TRPC4: variants seen among roughly 807,000 people sequenced by gnomAD.
The protein encoded by TRPC4 is short transient receptor potential channel 4.
Under a neutral mutation model 99.4 loss-of-function variants are expected in TRPC4, and 49 were observed. The observed-to-expected ratio is 0.49, with a 90% CI of 0.39 to 0.63. The LOEUF is 0.63. TRPC4 is among the 20% of genes least tolerant of loss of function. TRPC4 has a pLI of 0.00. For synonymous variants in TRPC4, 454 were observed against 425.9 expected (o/e 1.07, Z -0.81); for missense variants, 898 against 1,152.9 (o/e 0.78, Z 3.20).
chr13:37,776,781 G>T (rs1265880123), intron 2 of TRPC4, among the ~76,000 whole-genome samples: 2 of 151,884 alleles, frequency 1.3e-5, no homozygotes, highest in Admixed American at 6.6e-5. Flanking sequence ...AGAGTTAAAA[G>T]TGAAGTTTTT....
intron 2 of TRPC4, among the ~76,000 whole-genome samples, chr13:37,764,612 G>A (rs1185629288): frequency 6.6e-6 from 1 of 151,302 alleles, no homozygotes; most frequent in African/African-American, 2.4e-5. Context: ...AAGTAATAAT[G>A]AGAAAGCTCA....
intron 2 of TRPC4, among the ~76,000 whole-genome samples, chr13:37,754,117 C>T (rs1399632505): frequency 6.6e-6 from 1 of 152,090 alleles, no homozygotes; most frequent in Non-Finnish European, 1.5e-5. Flanking sequence ...AAATATAAGT[C>T]ATTTGACCTC....
chr13:37,844,210 G>T (rs965234624), intron 1 of TRPC4, among the ~76,000 whole-genome samples: 1 of 152,132 alleles, frequency 6.6e-6, no homozygotes, highest in Admixed American at 6.5e-5. Flanking sequence ...CTCTATATTT[G>T]GGCTGATAAT....
chr13:37,701,511 T>C (rs1954100080), intron 3 of TRPC4, among the ~76,000 whole-genome samples: 1 of 152,154 alleles, frequency 6.6e-6, no homozygotes, highest in African/African-American at 2.4e-5. Flanking sequence ...CCGTCATCAT[T>C]GTCATTTCCA....
intron 8 of TRPC4, among the ~76,000 whole-genome samples, chr13:37,639,779 A>C (rs1033329515): frequency 2.7e-5 from 4 of 150,424 alleles, no homozygotes; most frequent in African/African-American, 9.9e-5. Context: ...TCATATATAC[A>C]GTAAGAGGAG....
At chr13:37,669,986 G>A (rs1952780874) in intron 5 of TRPC4, among the ~76,000 whole-genome samples, 1 of 152,118 alleles carries the variant, frequency 6.6e-6, no homozygotes, top group Non-Finnish European at 1.5e-5. Context: ...GAGGTCATGA[G>A]GGTGGGCTTT....
At chr13:37,829,719 A>G (rs1958357973) in intron 1 of TRPC4, among the ~76,000 whole-genome samples, 2 of 152,214 alleles carry the variant, frequency 1.3e-5, no homozygotes, top group African/African-American at 2.4e-5. Context: ...ACTGTTCATA[A>G]TAGCCAAAAG....
intron 1 of TRPC4, among the ~76,000 whole-genome samples, chr13:37,868,045 T>C (rs1042151321): frequency 2.6e-4 from 40 of 152,162 alleles, no homozygotes; most frequent in Non-Finnish European, 8.8e-5. Context: ...GGTTATTTTA[T>C]ATGAAAAGTT....
chr13:37,758,289 C>A (rs1205378427), intron 2 of TRPC4, among the ~76,000 whole-genome samples: 1 of 151,610 alleles, frequency 6.6e-6, no homozygotes, highest in Non-Finnish European at 1.5e-5. Flanking sequence ...ATGTTGAATC[C>A]AACAGTGTAT....
At chr13:37,671,906 A>G (rs1952859741) in intron 5 of TRPC4, among the ~76,000 whole-genome samples, 1 of 152,214 alleles carries the variant, frequency 6.6e-6, no homozygotes, top group Non-Finnish European at 1.5e-5. Context: ...TCCTATGACC[A>G]TATATTAACA....
chr13:37,836,355 G>C (rs1413376828), intron 1 of TRPC4, among the ~76,000 whole-genome samples: 1 of 152,146 alleles, frequency 6.6e-6, no homozygotes, highest in Non-Finnish European at 1.5e-5. Flanking sequence ...AAGAGGTTGG[G>C]ACAGTTTGGG....
At chr13:37,701,896 A>T (rs1234890031) in intron 3 of TRPC4, among the ~76,000 whole-genome samples, 1 of 152,172 alleles carries the variant, frequency 6.6e-6, no homozygotes, top group Non-Finnish European at 1.5e-5. Flanking sequence ...TCATTGTGTT[A>T]GTTCCTAAGG....
intron 1 of TRPC4, among the ~76,000 whole-genome samples, chr13:37,850,033 C>G (rs185206213): frequency 6.6e-6 from 1 of 152,306 alleles, no homozygotes; most frequent in African/African-American, 2.4e-5. Context: ...TGAATGATAT[C>G]TTAAAATCAT....
At chr13:37,696,002 CGCTGATAAAGACA>C (rs1953890780) in intron 3 of TRPC4, among the ~76,000 whole-genome samples, 1 of 152,052 alleles carries the variant, frequency 6.6e-6, no homozygotes, top group African/African-American at 2.4e-5. Context: ...GTTTTTATAC[CGCTGATAAAGACA>C]TACCCGAAAC....
intron 3 of TRPC4, among the ~76,000 whole-genome samples, chr13:37,733,675 G>C (rs998953493): frequency 1.3e-5 from 2 of 152,010 alleles, no homozygotes; most frequent in Non-Finnish European, 2.9e-5. Flanking sequence ...TTATGACCTA[G>C]TCTTTGTGTT....
chr13:37,634,490 C>T lies in TRPC4; in HGVS notation c.*2413G>A, dbSNP rs1388779769. ...CTGAAAAGGAGGGTCTTACTTGCTCCAAATACATTCCTCTATTACCATCAT... is the reference window on the plus strand; with the variant it reads ...CTGAAAAGGAGGGTCTTACTTGCTCTAAATACATTCCTCTATTACCATCAT... On this transcript the variant is annotated 3_prime_UTR_variant, in exon 11 of 11. Coordinates refer to ENST00000379705, the MANE Select transcript of TRPC4 (RefSeq NM_016179.4). Among the ~76,000 whole-genome samples the T allele has an allele frequency of 6.6e-6, 1 of 152,012 alleles. No homozygotes were observed. The highest frequency in any genetic ancestry group is 1.5e-5 in the Non-Finnish European group (1 of 67,976).
At chr13:37,828,377 G>T (rs1474406504) in intron 1 of TRPC4, among the ~76,000 whole-genome samples, 1 of 152,178 alleles carries the variant, frequency 6.6e-6, no homozygotes, top group Non-Finnish European at 1.5e-5. Flanking sequence ...TGCTTATACG[G>T]TGTTGTTTGG....
At chr13:37,659,946 A>G (rs970193632) in intron 6 of TRPC4, among the ~76,000 whole-genome samples, 1 of 152,180 alleles carries the variant, frequency 6.6e-6, no homozygotes, top group Non-Finnish European at 1.5e-5. Context: ...ATTGAATTTA[A>G]GTCTTCAGGA....
chr13:37,669,666 A>G (rs1187431885), intron 5 of TRPC4, among the ~76,000 whole-genome samples: 1 of 152,148 alleles, frequency 6.6e-6, no homozygotes, highest in Non-Finnish European at 1.5e-5. Flanking sequence ...ATGTTTATTG[A>G]TTTAATCTTC....
Sources: allele counts gnomAD v4.1 joint callset (sites outside exome capture counted in the v4.1 genomes callset), GRCh38; gene constraint gnomAD v4.1.1; transcripts MANE v1.5; gene names NCBI Gene and HGNC (gene_info 2026-07-23, HGNC 2026-07-21).